TRABD2B: variants seen among roughly 807,000 people sequenced by gnomAD.
The protein encoded by TRABD2B is metalloprotease TIKI2.
A neutral mutation model predicts 40.1 loss-of-function variants in TRABD2B; 14 were observed. The ratio of observed to expected loss-of-function variants is 0.35; its 90% CI spans 0.23 to 0.55. The LOEUF (loss-of-function observed/expected upper bound fraction) is 0.55. Ranked by LOEUF, TRABD2B falls within the 20% of genes least tolerant of loss-of-function variation. The pLI is 0.90. For missense variants in TRABD2B, 541 were observed against 648.6 expected (o/e 0.83, Z 1.80); for synonymous variants, 263 against 277.0 (o/e 0.95, Z 0.50).
intron 2 of TRABD2B, among the ~76,000 whole-genome samples, chr1:47,952,762 A>C (rs1467030407): frequency 6.6e-6 from 1 of 152,180 alleles, no homozygotes; most frequent in Admixed American, 6.5e-5. Context: ...TGACTTATAC[A>C]GTATTTACTG....
intron 2 of TRABD2B, among the ~76,000 whole-genome samples, chr1:47,955,572 C>T (rs1645407642): frequency 6.6e-6 from 1 of 152,168 alleles, no homozygotes; most frequent in South Asian, 2.1e-4. Context: ...CACAAATTTA[C>T]TCATATTTCT....
Position 47,994,229 on chromosome 1 carries a change from G to C in TRABD2B, c.471C>G (p.Asn157Lys), listed in dbSNP as rs1395298346. Residue 157 changes from asparagine (N) to lysine (K), a missense_variant, in exon 2 of 7, where the codon AAC becomes AAG. Physicochemically the swap from Asn to Lys is moderately conservative, Grantham distance 94. Around this residue, in one of 2 missense-constraint regions of TRABD2B, gnomAD observed 369 missense variants for 492.8 expected, o/e 0.75. Transcript: ENST00000606738. The surrounding 1 kb of genome is among the most constrained non-coding windows in gnomAD (Gnocchi z 6.7). ...CCCAGACGGGCCTCTTGCGCTCCCA[G>C]TTGCCCGCGATGGCATTGAATAGGT... ...ADYLFNAIAG[N>K]WERKRPVWVM... 1 of 1,545,866 alleles carries C rather than the reference G, an allele frequency of 6.5e-7. No individual in the cohort carries two copies. The highest frequency in any genetic ancestry group is 1.4e-5 in the African/African-American group (1 of 73,444).
chr1:47,857,902 T>C (rs1245467285), intron 2 of TRABD2B, among the ~76,000 whole-genome samples: 1 of 105,288 alleles, frequency 9.5e-6, no homozygotes, highest in Non-Finnish European at 1.8e-5. Flanking sequence ...CCCCCACCCC[T>C]TATCCACAGT....
intron 2 of TRABD2B, among the ~76,000 whole-genome samples, chr1:47,912,810 CAGG>C (rs1433998173): frequency 6.6e-6 from 1 of 152,122 alleles, no homozygotes; most frequent in African/African-American, 2.4e-5. Flanking sequence ...CACCTCGTCC[CAGG>C]AGCTGGCAAG....
chr1:47,958,868 G>A (rs1032153186), intron 2 of TRABD2B, among the ~76,000 whole-genome samples: 2 of 152,124 alleles, frequency 1.3e-5, no homozygotes, highest in Non-Finnish European at 2.9e-5. Flanking sequence ...GGACCTAATA[G>A]ACCTCTACAG....
intron 2 of TRABD2B, among the ~76,000 whole-genome samples, chr1:47,815,013 G>A (rs1222907840): frequency 6.6e-6 from 1 of 152,132 alleles, no homozygotes; most frequent in East Asian, 1.9e-4. Flanking sequence ...CCCCAGAGAG[G>A]GCAGCAAAGT....
intron 2 of TRABD2B, among the ~76,000 whole-genome samples, chr1:47,898,534 T>C (rs1644555743): frequency 6.6e-6 from 1 of 152,188 alleles, no homozygotes; most frequent in Non-Finnish European, 1.5e-5. Context: ...GCTCTGCATC[T>C]TCAAGGGGAC....
intron 2 of TRABD2B, among the ~76,000 whole-genome samples, chr1:47,870,742 A>C (rs1296331390): frequency 6.6e-6 from 1 of 152,206 alleles, no homozygotes; most frequent in African/African-American, 2.4e-5. Flanking sequence ...ACAAGCCAGC[A>C]TGACCTACGT....
At chr1:47,781,865 G>T (rs139643768) in intron 4 of TRABD2B, among the ~76,000 whole-genome samples, 10 of 152,170 alleles carry the variant, frequency 6.6e-5, no homozygotes, top group Non-Finnish European at 8.8e-5. Flanking sequence ...CCCACAGCTG[G>T]GTTGGCAACA....
chr1:47,788,158 G>C (rs1479074778), intron 4 of TRABD2B, among the ~76,000 whole-genome samples: 1 of 152,160 alleles, frequency 6.6e-6, no homozygotes, highest in East Asian at 1.9e-4. Context: ...TGAGGATGTG[G>C]AAGGGCCATA....
intron 2 of TRABD2B, among the ~76,000 whole-genome samples, chr1:47,806,222 C>A (rs972553003): frequency 1.3e-5 from 2 of 152,224 alleles, no homozygotes; most frequent in South Asian, 4.1e-4. Flanking sequence ...CTCCTCTCTG[C>A]AGGGATTTGA....
intron 2 of TRABD2B, among the ~76,000 whole-genome samples, chr1:47,846,896 A>ACACACACACACACACAC (rs1557610238): frequency 1.3e-5 from 2 of 148,358 alleles, no homozygotes; most frequent in East Asian, 1.9e-4. Context: ...ACACACACAC[A>ACACACACACACACACAC]AATGAGGGCT....
At chr1:47,896,759 C>T (rs939259072) in intron 2 of TRABD2B, among the ~76,000 whole-genome samples, 2 of 152,204 alleles carry the variant, frequency 1.3e-5, no homozygotes, top group African/African-American at 4.8e-5. Context: ...ACTGCCACTT[C>T]TTGGGCAAGA....
In TRABD2B at chr1:47,869,989, CCA is replaced by C. The variant is rs1349797267; in HGVS notation, c.667-68372_667-68371del. On this transcript the variant is annotated intron_variant, in intron 2 of 6. Coordinates refer to ENST00000606738, the MANE Select transcript of TRABD2B (RefSeq NM_001194986.2). ...TATCAGTCAGGATCCAATCAGGGAA[CCA>C]CACAGTAATTTGAGCACACCTAGCG... Among the ~76,000 whole-genome samples the C allele has an allele frequency of 4.6e-5, 7 of 152,300 alleles. No individual in the cohort carries two copies. The East Asian group carries it at 1.3e-3, about 29-fold the overall frequency.
At chr1:47,942,681 G>A (rs1040879917) in intron 2 of TRABD2B, among the ~76,000 whole-genome samples, 3 of 152,190 alleles carry the variant, frequency 2.0e-5, no homozygotes, top group African/African-American at 7.2e-5. Context: ...CATTTACCAG[G>A]TTCCAGGCAG....
At chr1:47,960,203 T>C (rs908828669) in intron 2 of TRABD2B, among the ~76,000 whole-genome samples, 6 of 152,294 alleles carry the variant, frequency 3.9e-5, no homozygotes, top group East Asian at 3.9e-4. Context: ...TAGGTATTGA[T>C]GGGACGTATC....
intron 3 of TRABD2B, 91 bp from the exon 4 acceptor site, chr1:47,794,851 G>GA: frequency 5.6e-6 from 7 of 1,255,338 alleles, no homozygotes; most frequent in Non-Finnish European, 7.4e-6. Flanking sequence ...GGAGTGCAGT[G>GA]GCTCACTGCA....
In TRABD2B at chr1:47,852,808, G is replaced by A. The variant is rs377690003; in HGVS notation, c.667-51189C>T. Among the ~76,000 whole-genome samples the A allele has an allele frequency of 1.5e-3, 222 of 152,204 alleles. 3 individuals are homozygous for A. The South Asian group carries it at 0.027, about 19-fold the overall frequency. ...CAAGCTCATTTTCCCAAGTGTCTTC[G>A]ACTGAAGAACTCTTAACAACCATAA... is the stretch of plus-strand genomic sequence containing the variant. On this transcript the variant is annotated intron_variant, in intron 2 of 6. Transcript: ENST00000606738.
At chr1:47,783,268 A>G (rs1189707719) in intron 4 of TRABD2B, among the ~76,000 whole-genome samples, 1 of 144,550 alleles carries the variant, frequency 6.9e-6, no homozygotes, top group African/African-American at 2.6e-5. Flanking sequence ...GGAAGAAGAG[A>G]CACCAAGAAA....
Sources: gnomAD v4.1 joint callset for allele counts (sites outside exome capture counted in the v4.1 genomes callset) on GRCh38, gnomAD v4.1.1 for gene constraint, gnomAD v4.1.1 regional missense constraint, Gnocchi (gnomAD v3.1) non-coding constraint, MANE v1.5 for transcripts, NCBI Gene and HGNC (gene_info 2026-07-23, HGNC 2026-07-21) for gene names.